NAALADL2: variants seen among roughly 807,000 people sequenced by gnomAD.
The protein encoded by NAALADL2 is N-acetylated alpha-linked acidic dipeptidase like 2.
NAALADL2 carries 76 observed loss-of-function variants against 87.2 expected under a neutral mutation model. The observed-to-expected ratio is 0.87, with a 90% CI of 0.72 to 1.05. The LOEUF (loss-of-function observed/expected upper bound fraction) is 1.05. Ranked by LOEUF, NAALADL2 falls within the 50% of genes least tolerant of loss-of-function variation. The pLI is 0.00. For missense variants in NAALADL2, 1,089 were observed against 945.8 expected (o/e 1.15, Z -1.99); for synonymous variants, 354 against 331.0 (o/e 1.07, Z -0.75).
At chr3:175,249,861 G>A (rs1328132390) in intron 3 of NAALADL2, among the ~76,000 whole-genome samples, 2 of 152,060 alleles carry the variant, frequency 1.3e-5, no homozygotes, top group Non-Finnish European at 2.9e-5. Context: ...CAAGGGTTGG[G>A]TCCTGATCTG....
At chr3:175,572,821 T>G (rs2149546552) in intron 9 of NAALADL2, among the ~76,000 whole-genome samples, 1 of 151,788 alleles carries the variant, frequency 6.6e-6, no homozygotes, top group African/African-American at 2.4e-5. Context: ...TTCAGGAGGC[T>G]GAGGTGGGAG....
chr3:175,284,924 A>G (rs1376820749), intron 4 of NAALADL2, among the ~76,000 whole-genome samples: 1 of 152,012 alleles, frequency 6.6e-6, no homozygotes, highest in Admixed American at 6.6e-5. Context: ...TAAAGTGCCC[A>G]GTGTTGTTGG....
chr3:174,805,837 T>G (rs192796083), intron 3 of NAALADL2, among the ~76,000 whole-genome samples: 243 of 152,296 alleles, frequency 1.6e-3, no homozygotes, highest in African/African-American at 5.7e-3. Context: ...GCTTCATTTA[T>G]GTAGGCATTT....
chr3:175,218,052 G>GTT (rs11395569), intron 2 of NAALADL2: 18 of 405,550 alleles, frequency 4.4e-5, no homozygotes, highest in African/African-American at 2.1e-4. Flanking sequence ...GAATTTCAAT[G>GTT]TTTTTTTTTG....
At chr3:174,940,091 A>G (rs1194732871) in intron 1 of NAALADL2, among the ~76,000 whole-genome samples, 1 of 152,058 alleles carries the variant, frequency 6.6e-6, no homozygotes, top group Non-Finnish European at 1.5e-5. Context: ...CCAGTTTTCA[A>G]GAGGAATGGG....
chr3:175,698,565 C>G (rs1329088246), intron 11 of NAALADL2, among the ~76,000 whole-genome samples: 1 of 146,982 alleles, frequency 6.8e-6, no homozygotes, highest in South Asian at 2.1e-4. Context: ...ATTTTGATGA[C>G]TGGTGCCTGG....
chr3:175,165,309 C>A (rs186209736), intron 2 of NAALADL2, among the ~76,000 whole-genome samples: 37 of 152,100 alleles, frequency 2.4e-4, no homozygotes, highest in Admixed American at 1.7e-3. Context: ...TCTTTCAATC[C>A]CCAGTGCCTC....
At chr3:174,696,648 A>G (rs1729048398) in intron 2 of NAALADL2, among the ~76,000 whole-genome samples, 2 of 151,192 alleles carry the variant, frequency 1.3e-5, no homozygotes, top group Non-Finnish European at 2.9e-5. Context: ...GAGTAGAACT[A>G]CAGATATATT....
intron 9 of NAALADL2, among the ~76,000 whole-genome samples, chr3:175,573,427 C>A (rs1451355956): frequency 1.3e-5 from 2 of 152,144 alleles, no homozygotes; most frequent in Non-Finnish European, 2.9e-5. Flanking sequence ...GCAACAATCT[C>A]GATTTCACAA....
chr3:174,896,418 T>G (rs893077060), intron 1 of NAALADL2, among the ~76,000 whole-genome samples: 4 of 152,134 alleles, frequency 2.6e-5, no homozygotes, highest in Admixed American at 2.6e-4. Context: ...TAATACCATT[T>G]ACAATAGCCA....
At chr3:175,152,321 A>G (rs1374047979) in intron 2 of NAALADL2, among the ~76,000 whole-genome samples, 1 of 152,176 alleles carries the variant, frequency 6.6e-6, no homozygotes, top group African/African-American at 2.4e-5. Flanking sequence ...TGGTAAATCA[A>G]CCTAATACAA....
intron 2 of NAALADL2, among the ~76,000 whole-genome samples, chr3:174,640,247 G>A (rs1723035654): frequency 6.6e-6 from 1 of 152,184 alleles, no homozygotes; most frequent in African/African-American, 2.4e-5. Context: ...GTAGGCAAAT[G>A]TTTGCTGCAG....
chr3:175,213,852 C>A (rs951340036), intron 2 of NAALADL2, among the ~76,000 whole-genome samples: 1 of 152,126 alleles, frequency 6.6e-6, no homozygotes, highest in African/African-American at 2.4e-5. Flanking sequence ...CAGAACCACA[C>A]TTTTGATCCC....
At chr3:175,710,154 C>T (rs912239906) in intron 11 of NAALADL2, among the ~76,000 whole-genome samples, 1 of 151,470 alleles carries the variant, frequency 6.6e-6, no homozygotes, top group African/African-American at 2.4e-5. Flanking sequence ...ACCGGTAAAT[C>T]AGGAAGGGAA....
chr3:175,344,180 G>T (rs1036707663), intron 5 of NAALADL2, among the ~76,000 whole-genome samples: 1 of 152,068 alleles, frequency 6.6e-6, no homozygotes, highest in Non-Finnish European at 1.5e-5. Flanking sequence ...TCCAGGTAGA[G>T]CCCATTGTAT....
intron 13 of NAALADL2, among the ~76,000 whole-genome samples, chr3:175,796,538 T>C (rs1304619253): frequency 6.6e-6 from 1 of 152,202 alleles, no homozygotes; most frequent in East Asian, 1.9e-4. Flanking sequence ...GCCATGCACT[T>C]TGTGCATTCT....
intron 11 of NAALADL2, among the ~76,000 whole-genome samples, chr3:175,705,722 T>TA (rs1259921399): frequency 6.6e-6 from 1 of 152,188 alleles, no homozygotes; most frequent in Non-Finnish European, 1.5e-5. Flanking sequence ...AATTCAGATA[T>TA]AAAAAAACTT....
At chr3:175,781,870 C>T (rs907214666) in intron 13 of NAALADL2, among the ~76,000 whole-genome samples, 6 of 148,558 alleles carry the variant, frequency 4.0e-5, no homozygotes, top group Non-Finnish European at 8.9e-5. Context: ...CCCACCCCAC[C>T]ACAGTCCCCA....
At chr3:174,510,067 A>C (rs1719500432) in intron 1 of NAALADL2, among the ~76,000 whole-genome samples, 1 of 152,006 alleles carries the variant, frequency 6.6e-6, no homozygotes, top group South Asian at 2.1e-4. Flanking sequence ...TTGAATCATA[A>C]GTCCATCTTG....
Sources: gnomAD v4.1 joint callset for allele counts (sites outside exome capture counted in the v4.1 genomes callset) on GRCh38, gnomAD v4.1.1 for gene constraint, MANE v1.5 for transcripts, NCBI Gene and HGNC (gene_info 2026-07-23, HGNC 2026-07-21) for gene names.